CDH13: variants seen among roughly 807,000 people sequenced by gnomAD.
CDH13 encodes cadherin 13.
In CDH13, 24 loss-of-function variants were observed where a neutral mutation model predicts 63.8. The ratio of observed to expected loss-of-function variants is 0.38; its 90% CI spans 0.27 to 0.53. The LOEUF (loss-of-function observed/expected upper bound fraction) is 0.53. Ranked by LOEUF, CDH13 falls within the 20% of genes least tolerant of loss-of-function variation. The pLI, the probability that CDH13 is intolerant of heterozygous loss-of-function variation, is 0.85. For missense variants in CDH13, 1,049 were observed against 903.1 expected (o/e 1.16, Z -2.07); for synonymous variants, 503 against 355.3 (o/e 1.42, Z -4.67).
chr16:82,782,531 G>A (rs540233505), intron 1 of CDH13, among the ~76,000 whole-genome samples: 9 of 144,830 alleles, frequency 6.2e-5, no homozygotes, highest in African/African-American at 1.0e-4. Flanking sequence ...CAGCCTGGGC[G>A]ACAGTGCCAG....
chr16:83,730,651 C>T (rs418517), intron 10 of CDH13, among the ~76,000 whole-genome samples: 105,300 of 151,868 alleles, frequency 0.69, 37,862 homozygotes, highest in Middle Eastern at 0.81. Context: ...GTTTTGTTTT[C>T]GTTTTTTGGT....
rs567953316 is a variant in CDH13, at chr16:83,659,426, G to T, written c.1102-11364G>T. ...CAGGTCCCATGTCCTCACCAGCAAG[G>T]TCCCAACACAAGTTAGAATGTGCCA... On this transcript the variant is annotated intron_variant, in intron 8 of 13. Coordinates refer to ENST00000567109, the MANE Select transcript of CDH13 (RefSeq NM_001257.5). Among the ~76,000 whole-genome samples, 17 of 152,352 alleles carry T rather than the reference G, an allele frequency of 1.1e-4. No homozygotes were observed. In the South Asian group the frequency reaches 2.5e-3, roughly 22 times the overall value.
At chr16:83,073,380 T>C (rs1333736276) in intron 3 of CDH13, among the ~76,000 whole-genome samples, 1 of 131,726 alleles carries the variant, frequency 7.6e-6, no homozygotes, top group East Asian at 2.3e-4. Flanking sequence ...AGAGAGAGCT[T>C]TCTTAATTAC....
rs58039110 is a variant in CDH13 at position 83,490,588 on chromosome 16, A to C, written c.960+3933A>C. Among the ~76,000 whole-genome samples, 745 of 152,218 alleles carry C rather than the reference A, an allele frequency of 4.9e-3. 12 individuals carry two copies. Among genetic ancestry groups the C allele is most frequent in the African/African-American group, 0.017 (705 of 41,514 alleles). The stretch of plus-strand genomic sequence containing the variant: ...AAGAGTCTATGGCCTATCTGCTTGC[A>C]CTCACCATAGTCAATGCTCAAACAT... On this transcript the variant is annotated intron_variant, in intron 7 of 13. Coordinates refer to ENST00000567109, the MANE Select transcript of CDH13 (RefSeq NM_001257.5).
At chr16:83,772,637 A>G (rs556498747) in intron 11 of CDH13, among the ~76,000 whole-genome samples, 3 of 152,338 alleles carry the variant, frequency 2.0e-5, no homozygotes, top group South Asian at 2.1e-4. Flanking sequence ...AAATCAAGCC[A>G]TGTTTAAAGC....
intron 5 of CDH13, among the ~76,000 whole-genome samples, chr16:83,243,450 A>G (rs879843227): frequency 1.3e-5 from 2 of 151,964 alleles, no homozygotes; most frequent in Non-Finnish European, 2.9e-5. Context: ...GGAAAGACCT[A>G]CCCCCATGAT....
chr16:83,288,454 G>A (rs1345355770), intron 5 of CDH13, among the ~76,000 whole-genome samples: 3 of 152,192 alleles, frequency 2.0e-5, no homozygotes, highest in Non-Finnish European at 4.4e-5. Flanking sequence ...GGAGACGGAA[G>A]GTGGAGGATA....
At chr16:83,767,766 G>T (rs1266315104) in intron 11 of CDH13, among the ~76,000 whole-genome samples, 1 of 152,140 alleles carries the variant, frequency 6.6e-6, no homozygotes, top group African/African-American at 2.4e-5. Context: ...CCTACTATAT[G>T]ACTCCATTTA....
intron 6 of CDH13, among the ~76,000 whole-genome samples, chr16:83,412,834 C>CTGCA (rs963441527): frequency 2.0e-5 from 3 of 152,212 alleles, no homozygotes; most frequent in African/African-American, 7.2e-5. Context: ...AGGGCAAGAA[C>CTGCA]TGCAGCTTTG....
chr16:83,303,173 G>A (rs1211778219), intron 5 of CDH13, among the ~76,000 whole-genome samples: 1 of 152,194 alleles, frequency 6.6e-6, no homozygotes, highest in Non-Finnish European at 1.5e-5. Flanking sequence ...CAGTGTTGGG[G>A]CCAAGGGAAA....
intron 3 of CDH13, among the ~76,000 whole-genome samples, chr16:83,119,817 A>C (rs2035483169): frequency 6.6e-6 from 1 of 152,168 alleles, no homozygotes; most frequent in South Asian, 2.1e-4. Context: ...AGAACACACA[A>C]ACTCATTAGC....
At chr16:83,179,021 C>G (rs753647023) in intron 4 of CDH13, among the ~76,000 whole-genome samples, 2 of 152,144 alleles carry the variant, frequency 1.3e-5, no homozygotes, top group African/African-American at 2.4e-5. Context: ...ACTATTTGTT[C>G]ATAGGACATG....
chr16:83,238,844 T>G (rs1292884827), intron 5 of CDH13, among the ~76,000 whole-genome samples: 1 of 152,206 alleles, frequency 6.6e-6, no homozygotes, highest in East Asian at 1.9e-4. Context: ...GAGAACTTTG[T>G]CTGGCATGGA....
At chr16:82,880,225 C>T (rs1033750182) in intron 2 of CDH13, among the ~76,000 whole-genome samples, 11 of 152,042 alleles carry the variant, frequency 7.2e-5, no homozygotes, top group Non-Finnish European at 1.5e-4. Flanking sequence ...TTCTCAAGTG[C>T]AGCGTCCTCA....
chr16:83,305,894 T>A (rs1346402780), intron 5 of CDH13, among the ~76,000 whole-genome samples: 2 of 152,172 alleles, frequency 1.3e-5, no homozygotes, highest in Admixed American at 6.5e-5. Flanking sequence ...ATCTACAACA[T>A]AGGAATAATG....
At chr16:82,801,198 A>T (rs2036838850) in intron 1 of CDH13, among the ~76,000 whole-genome samples, 1 of 152,160 alleles carries the variant, frequency 6.6e-6, no homozygotes, top group South Asian at 2.1e-4. Flanking sequence ...CCTTAGAAGG[A>T]TGGCCACCAA....
intron 2 of CDH13, among the ~76,000 whole-genome samples, chr16:82,946,058 C>T (rs1247425100): frequency 6.6e-6 from 1 of 151,976 alleles, no homozygotes; most frequent in Non-Finnish European, 1.5e-5. Context: ...ATTTCTCTTT[C>T]CCCTGATCAA....
chr16:83,765,861 A>C (rs1487775345), intron 11 of CDH13, among the ~76,000 whole-genome samples: 1 of 152,108 alleles, frequency 6.6e-6, no homozygotes, highest in Admixed American at 6.5e-5. Flanking sequence ...TTTTAAAGCA[A>C]AGGTGAAGGT....
At chr16:83,254,938 T>C (rs887113504) in intron 5 of CDH13, among the ~76,000 whole-genome samples, 2 of 117,832 alleles carry the variant, frequency 1.7e-5, no homozygotes, top group Admixed American at 8.5e-5. Flanking sequence ...TTTCTTGGAT[T>C]TTTTCTTTTT....
Sources: gnomAD v4.1 joint callset for allele counts (sites outside exome capture counted in the v4.1 genomes callset) on GRCh38, gnomAD v4.1.1 for gene constraint, MANE v1.5 for transcripts, NCBI Gene and HGNC (gene_info 2026-07-23, HGNC 2026-07-21) for gene names.